Variants in TRAPPC9 observed in about 807,000 individuals in gnomAD.
TRAPPC9 encodes trafficking protein particle complex subunit 9, also known as IKK2 binding protein.
TRAPPC9 carries 83 observed loss-of-function variants against 124.0 expected under a neutral mutation model. That is an observed-to-expected ratio of 0.67 (90% CI 0.56 to 0.80). The LOEUF is 0.80. Ranked by LOEUF, TRAPPC9 falls within the 30% of genes least tolerant of loss-of-function variation. TRAPPC9 has a pLI of 0.00. For missense variants in TRAPPC9, 1,302 were observed against 1,508.3 expected, an observed-to-expected ratio of 0.86 and a Z score of 2.27; for synonymous variants, 638 against 617.5, an observed-to-expected ratio of 1.03 and a Z score of -0.49.
intron 2 of TRAPPC9, among the ~76,000 whole-genome samples, chr8:140,443,368 G>A (rs564905751): frequency 3.3e-5 from 5 of 151,448 alleles, no homozygotes; most frequent in Admixed American, 6.6e-5. Flanking sequence ...CCCGGGAGGC[G>A]GAGCTTGCAG....
intron 7 of TRAPPC9, among the ~76,000 whole-genome samples, chr8:140,388,999 C>G (rs2132334635): frequency 6.8e-6 from 1 of 147,404 alleles, no homozygotes; most frequent in African/African-American, 2.5e-5. Context: ...CTCTTGTCAC[C>G]CAGGCTGGAG....
intron 21 of TRAPPC9, among the ~76,000 whole-genome samples, chr8:139,802,911 G>A (rs1231563301): frequency 3.3e-5 from 5 of 151,954 alleles, no homozygotes; most frequent in East Asian, 3.9e-4. Context: ...TGTGTATGTC[G>A]GTGTGTGTTG....
At chr8:140,370,826 A>C in intron 8 of TRAPPC9, 138 bp downstream of exon 8, 2 of 921,400 alleles carry the variant, frequency 2.2e-6, no homozygotes, top group Non-Finnish European at 3.5e-6. Context: ...GCAGGCACCC[A>C]ACTCCAGGGC....
intron 8 of TRAPPC9, among the ~76,000 whole-genome samples, chr8:140,367,122 G>A (rs2068137632): frequency 6.6e-6 from 1 of 152,170 alleles, no homozygotes; most frequent in Admixed American, 6.5e-5. Flanking sequence ...ATTGCTGAAG[G>A]GGATGCAAAA....
chr8:140,239,498 G>C (rs1291100764), intron 16 of TRAPPC9, among the ~76,000 whole-genome samples: 3 of 152,226 alleles, frequency 2.0e-5, no homozygotes, highest in Non-Finnish European at 4.4e-5. Context: ...TAAGACTCCG[G>C]CCCTGCCCGC....
intron 17 of TRAPPC9, among the ~76,000 whole-genome samples, chr8:140,053,654 G>T (rs1049377807): frequency 6.6e-6 from 1 of 152,024 alleles, no homozygotes; most frequent in African/African-American, 2.4e-5. Flanking sequence ...TTGAAAGTGG[G>T]GTATTGAAGT....
intron 17 of TRAPPC9, among the ~76,000 whole-genome samples, chr8:140,079,948 A>G (rs1189962209): frequency 6.6e-6 from 1 of 152,116 alleles, no homozygotes; most frequent in Non-Finnish European, 1.5e-5. Flanking sequence ...AATAATAATG[A>G]TAATAATAAA....
intron 10 of TRAPPC9, among the ~76,000 whole-genome samples, chr8:140,304,208 C>T (rs2066059194): frequency 6.6e-6 from 1 of 151,874 alleles, no homozygotes; most frequent in Non-Finnish European, 1.5e-5. Context: ...GATTCTCTTG[C>T]CTCAGCCTCC....
chr8:140,292,404 C>T (rs2065684946), intron 11 of TRAPPC9, among the ~76,000 whole-genome samples: 1 of 152,192 alleles, frequency 6.6e-6, no homozygotes, highest in Admixed American at 6.5e-5. Flanking sequence ...AGAGGCACCC[C>T]GAGCAGACAC....
In TRAPPC9 at chr8:140,088,424, A is replaced by G. The variant is rs1844342342; in HGVS notation, c.2557-64345T>C. ...AAACAAGAACAAACTTGGGAATGGA[A>G]AAGTTGTAGCACAGAAGTGGCAAGC... On this transcript the variant is annotated intron_variant, in intron 17 of 22. Coordinates refer to ENST00000438773, the MANE Select transcript of TRAPPC9 (RefSeq NM_001160372.4). Among the ~76,000 whole-genome samples, 3 of 152,244 alleles carry G rather than the reference A, an allele frequency of 2.0e-5. No individual in the cohort carries two copies. In the South Asian group the frequency reaches 6.2e-4, roughly 31 times the overall value.
At chr8:140,033,657 GGTTTT>G (rs1840647281) in intron 17 of TRAPPC9, among the ~76,000 whole-genome samples, 9 of 49,302 alleles carry the variant, frequency 1.8e-4, no homozygotes, top group Middle Eastern at 0.036. Context: ...TTCATAATGT[GGTTTT>G]TTTTTTTTTT....
chr8:140,290,540 C>T (rs1000186461), intron 12 of TRAPPC9, among the ~76,000 whole-genome samples: 2 of 117,912 alleles, frequency 1.7e-5, no homozygotes, highest in Non-Finnish European at 1.7e-5. Context: ...GATTTCAAAA[C>T]AAGAGAAAGC....
At chr8:139,827,318 C>A (rs1029945687) in intron 21 of TRAPPC9, among the ~76,000 whole-genome samples, 2 of 152,206 alleles carry the variant, frequency 1.3e-5, no homozygotes, top group Non-Finnish European at 2.9e-5. Flanking sequence ...ACATGCTAGA[C>A]GTCATTGCTA....
chr8:140,322,215 G>C (rs967238409), intron 9 of TRAPPC9, among the ~76,000 whole-genome samples: 1 of 152,122 alleles, frequency 6.6e-6, no homozygotes, highest in Non-Finnish European at 1.5e-5. Flanking sequence ...CTGGTGACTG[G>C]CTGCAAACCA....
At chr8:140,286,925 G>A (rs1039969440) in intron 13 of TRAPPC9, among the ~76,000 whole-genome samples, 2 of 152,150 alleles carry the variant, frequency 1.3e-5, no homozygotes, top group African/African-American at 2.4e-5. Flanking sequence ...GGGAAGGAAA[G>A]AAGTGGGGTG....
intron 18 of TRAPPC9, among the ~76,000 whole-genome samples, chr8:140,019,685 T>A (rs1472424098): frequency 3.3e-5 from 5 of 151,384 alleles, no homozygotes; most frequent in Admixed American, 1.3e-4. Context: ...TCCGAGTGGC[T>A]GGAATTACAG....
chr8:140,151,400 G>C (rs1423549346), intron 17 of TRAPPC9, among the ~76,000 whole-genome samples: 1 of 152,188 alleles, frequency 6.6e-6, no homozygotes, highest in Non-Finnish European at 1.5e-5. Flanking sequence ...CCCAGCAGTG[G>C]AAGCAACACA....
At chr8:140,444,871 A>AAAAAAAG (rs1305151749) in intron 2 of TRAPPC9, among the ~76,000 whole-genome samples, 4 of 130,868 alleles carry the variant, frequency 3.1e-5, no homozygotes, top group Middle Eastern at 4.0e-3. Context: ...TCTCAGGAAA[A>AAAAAAAG]AAAAAAAAAA....
intron 15 of TRAPPC9, among the ~76,000 whole-genome samples, chr8:140,262,014 G>A (rs557343688): frequency 1.1e-4 from 16 of 152,290 alleles, no homozygotes; most frequent in South Asian, 2.1e-4. Flanking sequence ...AGACCTGTAC[G>A]TCTATTGTCT....
Sources: allele counts gnomAD v4.1 joint callset (sites outside exome capture counted in the v4.1 genomes callset), GRCh38; gene constraint gnomAD v4.1.1; transcripts MANE v1.5; gene names NCBI Gene and HGNC (gene_info 2026-07-23, HGNC 2026-07-21).